NDUFA12: variants seen among roughly 807,000 people sequenced by gnomAD.
NDUFA12 encodes the protein NADH dehydrogenase [ubiquinone] 1 alpha subcomplex subunit 12.
Under a neutral mutation model 20.3 loss-of-function variants are expected in NDUFA12, and 17 were observed. The ratio of observed to expected loss-of-function variants is 0.84; its 90% CI spans 0.57 to 1.26. The LOEUF (loss-of-function observed/expected upper bound fraction) is 1.26. Among genes scored for constraint, NDUFA12 ranks in the 50% most tolerant of loss-of-function variants. The probability of loss-of-function intolerance (pLI) is 0.00; values close to 1 mark genes in which losing one functional copy is unlikely to be tolerated. For missense variants in NDUFA12, 191 were observed against 183.7 expected, an observed-to-expected ratio of 1.04 and a Z score of -0.23; for synonymous variants, 72 against 63.6, an observed-to-expected ratio of 1.13 and a Z score of -0.63.
At chr12:94,994,374 A>T in intron 2 of NDUFA12, 117 bp from the exon 3 acceptor site, 1 of 762,866 alleles carries the variant, frequency 1.3e-6, no homozygotes, top group Non-Finnish European at 2.2e-6. Flanking sequence ...CTTATATAAG[A>T]GAGCTATTGG....
At position 95,000,099 on chromosome 12, in the gene NDUFA12, G is replaced by C. The variant is rs568556190; in HGVS notation, c.169+2640C>G. On this transcript the variant is annotated intron_variant, in intron 2 of 3. Transcript: ENST00000327772. ...CTAAATGCCCATCAGTGAACGAGTG[G>C]ATAAAGAAAATGTGGTATATATACA... 2.0e-5 allele frequency among the ~76,000 whole-genome samples: 3 copies of C among 152,088 alleles called. No homozygotes were observed. In the South Asian group the frequency reaches 6.2e-4, roughly 32 times the overall value.
At chr12:94,982,938 C>T (rs1021974390) in intron 3 of NDUFA12, among the ~76,000 whole-genome samples, 2 of 152,124 alleles carry the variant, frequency 1.3e-5, no homozygotes, top group Admixed American at 1.3e-4. Context: ...AAGTTGAATA[C>T]TACACTAGAT....
chr12:94,988,712 G>C (rs952065097), intron 3 of NDUFA12, among the ~76,000 whole-genome samples: 1 of 152,156 alleles, frequency 6.6e-6, no homozygotes, highest in Non-Finnish European at 1.5e-5. Context: ...CAGGTACTAT[G>C]TAGCAGTTAC....
chr12:94,976,168 T>C (rs1266506468), intron 3 of NDUFA12, among the ~76,000 whole-genome samples: 1 of 152,244 alleles, frequency 6.6e-6, no homozygotes, highest in African/African-American at 2.4e-5. Flanking sequence ...CACTAATCTA[T>C]ACACTTTACA....
At chr12:94,999,728 T>C (rs115646964) in intron 2 of NDUFA12, among the ~76,000 whole-genome samples, 1,699 of 152,188 alleles carry the variant, frequency 0.011, 27 homozygotes, top group African/African-American at 0.039. Context: ...AAAAAAATGC[T>C]CAACATCACT....
chr12:94,984,460 C>G (rs117316308), intron 3 of NDUFA12, among the ~76,000 whole-genome samples: 1 of 151,644 alleles, frequency 6.6e-6, no homozygotes, highest in Non-Finnish European at 1.5e-5. Context: ...AACCCAGAGG[C>G]GGAGGTTGCG....
At chr12:94,994,993 G>A (rs988228611) in intron 2 of NDUFA12, among the ~76,000 whole-genome samples, 17 of 152,134 alleles carry the variant, frequency 1.1e-4, no homozygotes, top group Non-Finnish European at 2.9e-5. Flanking sequence ...TAGAGTTGCT[G>A]TGAAAATTAA....
At chr12:94,996,486 T>C (rs1380907953) in intron 2 of NDUFA12, among the ~76,000 whole-genome samples, 1 of 151,754 alleles carries the variant, frequency 6.6e-6, no homozygotes, top group African/African-American at 2.4e-5. Flanking sequence ...AATTTTTTTT[T>C]AATTAGCAAA....
chr12:94,999,043 A>G (rs576125803), intron 2 of NDUFA12, among the ~76,000 whole-genome samples: 1 of 152,330 alleles, frequency 6.6e-6, no homozygotes, highest in Non-Finnish European at 1.5e-5. Context: ...CTAAGCAAAA[A>G]GAACAAATCT....
intron 3 of NDUFA12, among the ~76,000 whole-genome samples, chr12:94,990,498 T>C (rs1006375048): frequency 1.2e-4 from 19 of 152,238 alleles, no homozygotes; most frequent in African/African-American, 4.6e-4. Context: ...TCATACCTCC[T>C]TGCAACCTCA....
chr12:94,992,821 C>T (rs999458101), intron 3 of NDUFA12, among the ~76,000 whole-genome samples: 12 of 152,124 alleles, frequency 7.9e-5, no homozygotes, highest in Non-Finnish European at 1.8e-4. Context: ...CCAGCTGAGG[C>T]TCCAGACATC....
chr12:94,982,556 C>T (rs1874278826), intron 3 of NDUFA12, among the ~76,000 whole-genome samples: 2 of 152,164 alleles, frequency 1.3e-5, no homozygotes, highest in African/African-American at 2.4e-5. Flanking sequence ...GTGTGAGCCA[C>T]CACGCCCGGC....
chr12:94,975,859 G>A (rs183243575), intron 3 of NDUFA12, among the ~76,000 whole-genome samples: 1 of 152,106 alleles, frequency 6.6e-6, no homozygotes, highest in Non-Finnish European at 1.5e-5. Flanking sequence ...GACCAGCCTG[G>A]GCAACATGAG....
In NDUFA12 at chr12:94,985,380, G is replaced by A. The variant is rs138915901; in HGVS notation, c.257+8790C>T. 1.6e-3 allele frequency among the ~76,000 whole-genome samples: 240 copies of A among 151,198 alleles called. 5 individuals carry two copies. In the East Asian group the frequency reaches 0.043, roughly 27 times the overall value. ...TGGCTCACGCCTGTAATCCCAGCAC[G>A]TTGGGAGGCCGAGGTGGGTGGATCA... On this transcript the variant is annotated intron_variant, in intron 3 of 3. Transcript: ENST00000327772.
intron 3 of NDUFA12, among the ~76,000 whole-genome samples, chr12:94,985,626 C>CAAAAAAAAAAAA (rs35674364): frequency 4.6e-5 from 2 of 43,570 alleles, no homozygotes; most frequent in Non-Finnish European, 8.5e-5. Context: ...GACTCCATCT[C>CAAAAAAAAAAAA]AAAAAAAAAA....
intron 2 of NDUFA12, among the ~76,000 whole-genome samples, chr12:94,998,970 C>T (rs1335916303): frequency 6.6e-6 from 1 of 152,048 alleles, no homozygotes; most frequent in East Asian, 1.9e-4. Flanking sequence ...CTTCACAGAA[C>T]TAGAAAAAAC....
At chr12:94,986,503 T>C (rs1253746985) in intron 3 of NDUFA12, among the ~76,000 whole-genome samples, 1 of 152,218 alleles carries the variant, frequency 6.6e-6, no homozygotes, top group Non-Finnish European at 1.5e-5. Context: ...ACTAATTGGC[T>C]TGATTTAATC....
At chr12:94,980,930 C>T (rs1356230244) in intron 3 of NDUFA12, among the ~76,000 whole-genome samples, 4 of 151,866 alleles carry the variant, frequency 2.6e-5, no homozygotes, top group Non-Finnish European at 5.9e-5. Flanking sequence ...TACAGCCGTG[C>T]ATGAAATAGC....
chr12:94,976,038 A>AAG lies in NDUFA12; in HGVS notation c.258-4420_258-4419dup, dbSNP rs139619626. On this transcript the variant is annotated intron_variant, in intron 3 of 3. Coordinates refer to ENST00000327772, the MANE Select transcript of NDUFA12 (RefSeq NM_018838.5). Reference sequence around the variant, plus strand: ...GGGGATCCCATTTCTAAAAAAAGAGAAGAGAGAGAGAGACAGAGAATATTT... The same window carrying AAG: ...GGGGATCCCATTTCTAAAAAAAGAGAAGAGAGAGAGAGAGACAGAGAATATTT... Among the ~76,000 whole-genome samples, 164 of 152,072 alleles carry AAG rather than the reference A, an allele frequency of 1.1e-3. 4 individuals are homozygous for AAG. In the East Asian group the frequency reaches 0.028, roughly 26 times the overall value.
Sources: allele counts gnomAD v4.1 joint callset (sites outside exome capture counted in the v4.1 genomes callset), GRCh38; gene constraint gnomAD v4.1.1; transcripts MANE v1.5; gene names NCBI Gene and HGNC (gene_info 2026-07-23, HGNC 2026-07-21).